MSI2: variants seen among roughly 807,000 people sequenced by gnomAD.
MSI2 encodes the protein RNA-binding protein Musashi homolog 2.
In MSI2, 17 loss-of-function variants were observed where a neutral mutation model predicts 45.6. That is an observed-to-expected ratio of 0.37 (90% CI 0.26 to 0.56). The LOEUF (loss-of-function observed/expected upper bound fraction) is 0.56. MSI2 is among the 20% of genes least tolerant of loss of function. MSI2 has a pLI of 0.77. For missense variants in MSI2, 293 were observed against 444.2 expected (o/e 0.66, Z 3.06); for synonymous variants, 156 against 158.2 (o/e 0.99, Z 0.11).
chr17:57,408,655 C>T (rs2084130306), intron 6 of MSI2, among the ~76,000 whole-genome samples: 1 of 93,202 alleles, frequency 1.1e-5, no homozygotes, highest in African/African-American at 4.1e-5. Context: ...CTCCTGGGCC[C>T]TCTGAAGACG....
At chr17:57,547,607 G>T (rs2087198568) in intron 7 of MSI2, among the ~76,000 whole-genome samples, 2 of 152,104 alleles carry the variant, frequency 1.3e-5, no homozygotes, top group Admixed American at 1.3e-4. Flanking sequence ...GCTCTTGAGG[G>T]ATGGTAGTGC....
chr17:57,595,689 T>A (rs771878650), intron 7 of MSI2, among the ~76,000 whole-genome samples: 13 of 149,252 alleles, frequency 8.7e-5, no homozygotes, highest in Non-Finnish European at 1.3e-4. Context: ...CTTAATACCA[T>A]CACATTGGGA....
intron 7 of MSI2, among the ~76,000 whole-genome samples, chr17:57,569,118 AGAGAGGAGGG>A (rs1163056822): frequency 6.6e-6 from 1 of 152,020 alleles, no homozygotes; most frequent in Non-Finnish European, 1.5e-5. Context: ...GGTGGATTAG[AGAGAGGAGGG>A]GAGATAGGGC....
At chr17:57,376,407 G>A (rs999712235) in intron 5 of MSI2, among the ~76,000 whole-genome samples, 5 of 152,190 alleles carry the variant, frequency 3.3e-5, no homozygotes, top group African/African-American at 1.2e-4. Context: ...TTCAGTGCAA[G>A]CTGGTGTCCA....
intron 10 of MSI2, among the ~76,000 whole-genome samples, chr17:57,649,381 AAC>A (rs555150521): frequency 6.6e-6 from 1 of 151,652 alleles, no homozygotes; most frequent in African/African-American, 2.4e-5. Context: ...ACATGTACTC[AAC>A]ACACACATCC....
At chr17:57,528,037 T>C (rs952193243) in intron 6 of MSI2, among the ~76,000 whole-genome samples, 2 of 152,144 alleles carry the variant, frequency 1.3e-5, no homozygotes, top group Admixed American at 6.5e-5. Flanking sequence ...TGCTCAGTCC[T>C]TCTTAGCCAC....
intron 6 of MSI2, among the ~76,000 whole-genome samples, chr17:57,409,811 A>T (rs1455335944): frequency 6.6e-6 from 1 of 152,086 alleles, no homozygotes; most frequent in African/African-American, 2.4e-5. Context: ...GTTCGAGACC[A>T]GCCTGGCCAA....
intron 5 of MSI2, among the ~76,000 whole-genome samples, chr17:57,388,981 C>CTTCTTT (rs1555595525): frequency 1.8e-5 from 2 of 113,836 alleles, no homozygotes; most frequent in African/African-American, 6.6e-5. Context: ...TCTTCTTCTT[C>CTTCTTT]TTTTTTTTTT....
chr17:57,439,108 C>A (rs1321444319), intron 6 of MSI2, among the ~76,000 whole-genome samples: 1 of 152,162 alleles, frequency 6.6e-6, no homozygotes, highest in African/African-American at 2.4e-5. Flanking sequence ...AGTTGAGTTG[C>A]TCAGGACTTG....
In MSI2 at chr17:57,627,070, G is replaced by A. The variant is rs555367220; in HGVS notation, c.653-159G>A. 11 of 677,308 alleles carry A rather than the reference G, an allele frequency of 1.6e-5. 1 individual carries two copies. In the Admixed American group the frequency reaches 2.8e-4, roughly 17 times the overall value. The allele number at this position is 677,308 out of a possible 1,614,324, so 42.0% of individuals were successfully genotyped here. A position where few individuals can be genotyped will look rare whatever the true frequency, so the allele number is the denominator to read the frequency against. On this transcript the variant is annotated intron_variant, in intron 9 of 13. Coordinates refer to ENST00000284073, the MANE Select transcript of MSI2 (RefSeq NM_138962.4). This position sits in a 1 kb window ranked among gnomAD's most constrained non-coding sequence, Gnocchi z 4.6. Reference sequence around the variant, plus strand: ...GCAGCGCCCCCGGCCACAGGAGAGAGGTGACCCAGACCCTTAATAAAAAAA... The same window carrying A: ...GCAGCGCCCCCGGCCACAGGAGAGAAGTGACCCAGACCCTTAATAAAAAAA...
chr17:57,635,991 C>T (rs112781214), intron 10 of MSI2, among the ~76,000 whole-genome samples: 83 of 152,246 alleles, frequency 5.5e-4, no homozygotes, highest in African/African-American at 1.9e-3. Context: ...CTAAAAGATA[C>T]GTGGGGGAGT....
rs181413221 is a variant in MSI2, at chr17:57,679,992, G to T, written c.*475G>T. Reference sequence around the variant, plus strand: ...TTTTGGTTCTGTTCTCACTTTTAAAGGATGCTGAGATGGTAATATGACTCT... The same window carrying T: ...TTTTGGTTCTGTTCTCACTTTTAAATGATGCTGAGATGGTAATATGACTCT... On this transcript the variant is annotated 3_prime_UTR_variant, in exon 14 of 14. Coordinates refer to ENST00000284073, the MANE Select transcript of MSI2 (RefSeq NM_138962.4). 7 of 226,878 alleles carry T rather than the reference G, an allele frequency of 3.1e-5. No individual in the cohort carries two copies. The highest frequency in any genetic ancestry group is 6.7e-5 in the African/African-American group (3 of 45,018). The allele number at this position is 226,878 out of a possible 1,614,324, so 14.1% of individuals were successfully genotyped here. A position where few individuals can be genotyped will look rare whatever the true frequency, so the allele number is the denominator to read the frequency against.
chr17:57,375,586 G>GGGA (rs1035210395), intron 5 of MSI2, among the ~76,000 whole-genome samples: 2 of 152,120 alleles, frequency 1.3e-5, no homozygotes, highest in East Asian at 1.9e-4. Flanking sequence ...GAATAGTTGA[G>GGGA]GGAGGAGGAG....
At chr17:57,477,875 C>T (rs1262107751) in intron 6 of MSI2, among the ~76,000 whole-genome samples, 1 of 152,188 alleles carries the variant, frequency 6.6e-6, no homozygotes, top group African/African-American at 2.4e-5. Context: ...GAGTGGAAGG[C>T]ATTTGAAGCA....
At chr17:57,581,490 C>A (rs1040776386) in intron 7 of MSI2, among the ~76,000 whole-genome samples, 2 of 152,110 alleles carry the variant, frequency 1.3e-5, no homozygotes, top group African/African-American at 4.8e-5. Context: ...GAGTGTGTTG[C>A]TTTCTCCTCC....
At chr17:57,645,444 T>TC (rs1167693765) in intron 10 of MSI2, among the ~76,000 whole-genome samples, 2 of 151,634 alleles carry the variant, frequency 1.3e-5, no homozygotes, top group East Asian at 3.9e-4. Context: ...TTTTTTGGTT[T>TC]TTTTTTTTTG....
rs1913753789 is a variant in MSI2 at position 57,683,754 on chromosome 17, A to C, written c.*4237A>C. ...AGGCAGACAGTGGGAGAGCAGAGGG[A>C]CTGACTGCAGGCAAGCACATTGAAG... On this transcript the variant is annotated 3_prime_UTR_variant, in exon 14 of 14. Transcript: ENST00000284073. This position sits in a 1 kb window ranked among gnomAD's most constrained non-coding sequence, Gnocchi z 5.2. 4.3e-6 allele frequency: 1 copy of C among 229,954 alleles called. No homozygotes were observed. The highest frequency in any genetic ancestry group is 8.6e-6 in the Non-Finnish European group (1 of 116,504). The allele number at this position is 229,954 out of a possible 1,614,324, so 14.2% of individuals were successfully genotyped here.
chr17:57,543,385 C>G (rs576216428), intron 7 of MSI2, among the ~76,000 whole-genome samples: 3 of 152,170 alleles, frequency 2.0e-5, no homozygotes, highest in Non-Finnish European at 2.9e-5. Flanking sequence ...CCTGTAGTTC[C>G]GCCTTGGACC....
At chr17:57,668,960 T>C (rs1912576261) in intron 11 of MSI2, among the ~76,000 whole-genome samples, 1 of 152,228 alleles carries the variant, frequency 6.6e-6, no homozygotes, top group South Asian at 2.1e-4. Flanking sequence ...TCATTGCCGA[T>C]CTTCTCTACC....
Sources: allele counts gnomAD v4.1 joint callset (sites outside exome capture counted in the v4.1 genomes callset), GRCh38; gene constraint gnomAD v4.1.1; non-coding constraint Gnocchi (gnomAD v3.1); transcripts MANE v1.5; gene names NCBI Gene and HGNC (gene_info 2026-07-23, HGNC 2026-07-21).